Variants in SLC30A8 observed in about 807,000 individuals in gnomAD.
SLC30A8 encodes solute carrier family 30 member 8.
Under a neutral mutation model 36.9 loss-of-function variants are expected in SLC30A8, and 27 were observed. That is an observed-to-expected ratio of 0.73 (90% CI 0.54 to 1.01). SLC30A8 has a LOEUF of 1.01. Ranked by LOEUF, SLC30A8 falls within the 50% of genes least tolerant of loss-of-function variation. The pLI is 0.00. For missense variants in SLC30A8, 439 were observed against 452.0 expected (o/e 0.97, Z 0.26); for synonymous variants, 164 against 172.4 (o/e 0.95, Z 0.38).
chr8:117,099,556 A>C (rs560564759), intron 2 of SLC30A8, among the ~76,000 whole-genome samples: 35 of 152,328 alleles, frequency 2.3e-4, no homozygotes, highest in Non-Finnish European at 4.3e-4. Flanking sequence ...TCAACCAAAA[A>C]GAAAGAAAAT....
chr8:117,081,522 A>G lies in SLC30A8; in HGVS notation c.-226+42264A>G, dbSNP rs921037692. ...CCTTAATTGCCTCTTTAAAATCTCT[A>G]TTTCCAAATACAGTCATGTTGAGGC... On this transcript the variant is annotated intron_variant, in intron 2 of 10. Coordinates refer to the SLC30A8 transcript ENST00000427715. Among the ~76,000 whole-genome samples, 8 of 152,162 alleles carry G rather than the reference A, an allele frequency of 5.3e-5. No individual in the cohort carries two copies. In the East Asian group the frequency reaches 1.2e-3, roughly 22 times the overall value.
At chr8:116,996,007 G>A (rs972125091) in intron 1 of SLC30A8, among the ~76,000 whole-genome samples, 1 of 152,168 alleles carries the variant, frequency 6.6e-6, no homozygotes, top group African/African-American at 2.4e-5. Context: ...TCTCTTTGCA[G>A]TCAGCTCTTC....
chr8:116,953,325 C>T (rs1372854165), intron 1 of SLC30A8, among the ~76,000 whole-genome samples: 1 of 152,036 alleles, frequency 6.6e-6, no homozygotes, highest in Non-Finnish European at 1.5e-5. Flanking sequence ...TTTTATATCT[C>T]TTATGCTTTC....
intron 1 of SLC30A8, among the ~76,000 whole-genome samples, chr8:117,005,811 A>C (rs1281780287): frequency 6.6e-6 from 1 of 152,166 alleles, no homozygotes; most frequent in African/African-American, 2.4e-5. Context: ...CAGTTTTCCA[A>C]CCTAATTTCG....
intron 2 of SLC30A8, among the ~76,000 whole-genome samples, chr8:117,124,757 T>C (rs1392958233): frequency 6.6e-6 from 1 of 151,518 alleles, no homozygotes; most frequent in East Asian, 1.9e-4. Context: ...GAGCACATTA[T>C]GTACATAAAG....
At chr8:117,002,217 A>G (rs546134732) in intron 1 of SLC30A8, among the ~76,000 whole-genome samples, 6 of 152,376 alleles carry the variant, frequency 3.9e-5, no homozygotes, top group African/African-American at 1.4e-4. Flanking sequence ...TAGCTTTTTC[A>G]GAGTCAATTC....
At chr8:117,165,724 A>C (rs931262202) in intron 6 of SLC30A8, among the ~76,000 whole-genome samples, 4 of 152,194 alleles carry the variant, frequency 2.6e-5, no homozygotes, top group Non-Finnish European at 5.9e-5. Flanking sequence ...GTGGGAGTGC[A>C]ACCTAGGTGT....
intron 2 of SLC30A8, among the ~76,000 whole-genome samples, chr8:117,115,404 T>C (rs1167844812): frequency 1.3e-5 from 2 of 152,104 alleles, no homozygotes; most frequent in African/African-American, 4.8e-5. Context: ...TTTGTTCCTT[T>C]TTGGGGTACT....
At chr8:117,106,180 A>T (rs562978823) in intron 2 of SLC30A8, among the ~76,000 whole-genome samples, 89 of 152,280 alleles carry the variant, frequency 5.8e-4, no homozygotes, top group African/African-American at 2.0e-3. Context: ...TATAATCTGT[A>T]CTACTTAATA....
chr8:116,958,290 C>A (rs1814289558), intron 1 of SLC30A8, among the ~76,000 whole-genome samples: 1 of 151,884 alleles, frequency 6.6e-6, no homozygotes, highest in South Asian at 2.1e-4. Flanking sequence ...TGTATAGACC[C>A]ATGTTTCCAT....
At chr8:117,067,402 T>C (rs1818202897) in intron 2 of SLC30A8, among the ~76,000 whole-genome samples, 1 of 152,124 alleles carries the variant, frequency 6.6e-6, no homozygotes, top group African/African-American at 2.4e-5. Context: ...ATATCACCAT[T>C]ATTCTGTGAT....
intron 2 of SLC30A8, among the ~76,000 whole-genome samples, chr8:117,095,246 C>T (rs1403971331): frequency 6.6e-6 from 1 of 152,196 alleles, no homozygotes; most frequent in African/African-American, 2.4e-5. Context: ...TCTAGATGGG[C>T]CGCTGCTGTC....
chr8:117,048,388 A>C (rs985601485), intron 2 of SLC30A8, among the ~76,000 whole-genome samples: 7 of 152,202 alleles, frequency 4.6e-5, no homozygotes, highest in African/African-American at 1.7e-4. Flanking sequence ...GGGAGGAAAG[A>C]GGCCTAGAAT....
Position 117,175,520 on chromosome 8 carries a change from C to T in SLC30A8, c.*2839C>T, listed in dbSNP as rs1823636585. 6.6e-6 allele frequency: 1 copy of T among 152,082 alleles called. No homozygotes were observed. The highest frequency in any genetic ancestry group is 2.1e-4 in the South Asian group (1 of 4,834). The allele number at this position is 152,082 out of a possible 1,614,324, so 9.4% of individuals were successfully genotyped here. On this transcript the variant is annotated 3_prime_UTR_variant, in exon 8 of 8. Coordinates refer to ENST00000456015, the MANE Select transcript of SLC30A8 (RefSeq NM_173851.3). ...TGTCTGAGTTTGAATCTTAGCTCTT[C>T]CCTTTATTAGCTCTGTGACCTCGAG...
At chr8:117,079,121 C>A (rs951449021) in intron 2 of SLC30A8, among the ~76,000 whole-genome samples, 4 of 152,040 alleles carry the variant, frequency 2.6e-5, no homozygotes, top group African/African-American at 9.7e-5. Flanking sequence ...AAGTGATTCT[C>A]CTGCTTCAGC....
intron 2 of SLC30A8, among the ~76,000 whole-genome samples, chr8:117,116,400 T>C (rs1820448573): frequency 6.6e-6 from 1 of 152,086 alleles, no homozygotes; most frequent in Non-Finnish European, 1.5e-5. Context: ...TGTATAATTA[T>C]CATTTATGAT....
At chr8:117,047,266 G>A (rs1459413714) in intron 2 of SLC30A8, among the ~76,000 whole-genome samples, 1 of 152,076 alleles carries the variant, frequency 6.6e-6, no homozygotes, top group Non-Finnish European at 1.5e-5. Context: ...TGTGAGGGTC[G>A]CAGCCTTGTC....
chr8:117,042,615 C>T (rs1276766328), intron 2 of SLC30A8, among the ~76,000 whole-genome samples: 1 of 151,780 alleles, frequency 6.6e-6, no homozygotes, highest in Non-Finnish European at 1.5e-5. Flanking sequence ...TGGGAAACAG[C>T]CTGCTGAGAC....
At chr8:116,969,227 G>A (rs1054089604) in intron 1 of SLC30A8, among the ~76,000 whole-genome samples, 6 of 151,938 alleles carry the variant, frequency 3.9e-5, no homozygotes, top group Non-Finnish European at 8.8e-5. Context: ...AGACCAGCCC[G>A]GCCAACATGG....
Sources: gnomAD v4.1 joint callset for allele counts (sites outside exome capture counted in the v4.1 genomes callset) on GRCh38, gnomAD v4.1.1 for gene constraint, MANE v1.5 for transcripts, NCBI Gene and HGNC (gene_info 2026-07-23, HGNC 2026-07-21) for gene names.